The following TTC6 variants were observed in gnomAD, a reference collection of about 807,000 sequenced individuals.
TTC6 encodes tetratricopeptide repeat domain 6.
A neutral mutation model predicts 210.4 loss-of-function variants in TTC6; 172 were observed. That is an observed-to-expected ratio of 0.82 (90% CI 0.72 to 0.93). TTC6 has a LOEUF of 0.93. Ranked by LOEUF, TTC6 falls within the 40% of genes least tolerant of loss-of-function variation. TTC6 has a pLI of 0.00. For missense variants in TTC6, 2,414 were observed against 2,318.1 expected, an observed-to-expected ratio of 1.04 and a Z score of -0.85; for synonymous variants, 804 against 819.6, an observed-to-expected ratio of 0.98 and a Z score of 0.32.
intron 14 of TTC6, among the ~76,000 whole-genome samples, chr14:37,757,388 G>C (rs1644316537): frequency 6.6e-6 from 1 of 152,110 alleles, no homozygotes; most frequent in Non-Finnish European, 1.5e-5. Flanking sequence ...AGCCTCCTGA[G>C]TAGCTGGGAC....
At chr14:37,696,976 A>T (rs2095816084) in intron 4 of TTC6, 141 bp downstream of exon 6, 1 of 403,808 alleles carries the variant, frequency 2.5e-6, no homozygotes, top group Non-Finnish European at 4.3e-6. Context: ...TTCTCACAGG[A>T]AAAGTTGGTG....
chr14:37,686,363 T>A (rs1275291424), intron 3 of TTC6, among the ~76,000 whole-genome samples: 1 of 152,208 alleles, frequency 6.6e-6, no homozygotes, highest in Non-Finnish European at 1.5e-5. Context: ...AACCTGCTTA[T>A]GAAAGCCTCC....
intron 17 of TTC6, among the ~76,000 whole-genome samples, chr14:37,793,026 C>T (rs531224990): frequency 6.6e-5 from 10 of 152,188 alleles, no homozygotes; most frequent in South Asian, 2.1e-4. Flanking sequence ...TCAGAGATAA[C>T]GCTGTTAACT....
chr14:37,717,618 C>T (rs2095854810), intron 6 of TTC6, among the ~76,000 whole-genome samples: 1 of 152,056 alleles, frequency 6.6e-6, no homozygotes, highest in Non-Finnish European at 1.5e-5. Context: ...GAGAATTCTA[C>T]CACACATTTA....
chr14:37,762,838 G>T (rs2095988283), intron 14 of TTC6, among the ~76,000 whole-genome samples: 1 of 150,876 alleles, frequency 6.6e-6, no homozygotes, highest in Non-Finnish European at 1.5e-5. Flanking sequence ...AATCCCGCTT[G>T]ATCGTAGTGT....
intron 14 of TTC6, among the ~76,000 whole-genome samples, chr14:37,784,133 G>T (rs2096062044): frequency 6.6e-6 from 1 of 152,172 alleles, no homozygotes; most frequent in South Asian, 2.1e-4. Flanking sequence ...GAGTTCTGTA[G>T]ATGTCTATTA....
chr14:37,607,799 T>G (rs548592408), intron 2 of TTC6, among the ~76,000 whole-genome samples: 1 of 152,120 alleles, frequency 6.6e-6, no homozygotes, highest in Non-Finnish European at 1.5e-5. Context: ...AGCTAATTAT[T>G]AAAATTTTCT....
rs751127188 is a variant in TTC6 at position 37,796,913 on chromosome 14, TA to T, written c.3996del (p.Ala1333GlnfsTer5). The T allele has an allele frequency of 6.2e-7, 1 of 1,603,994 alleles. No homozygotes were observed. The highest frequency in any genetic ancestry group is 2.2e-5 in the East Asian group (1 of 44,682). ...GCTGAGATGACCATGTGTGCTCTAT[TA>T]GCAAAAGTTCAAATGAAGGCCAAGA... On this transcript the variant is annotated frameshift_variant, in exon 20 of 31. Transcript: ENST00000553443. LOFTEE classifies it high-confidence loss of function.
chr14:37,607,676 T>C (rs547020693), intron 2 of TTC6, among the ~76,000 whole-genome samples: 1 of 151,656 alleles, frequency 6.6e-6, no homozygotes, highest in East Asian at 1.9e-4. Context: ...TTTCCCAGGC[T>C]GGTGTGCAGT....
At chr14:37,714,867 T>A (rs1273526314) in intron 6 of TTC6, 71 bp downstream of exon 8, 2 of 1,397,474 alleles carry the variant, frequency 1.4e-6, no homozygotes, top group Non-Finnish European at 1.9e-6. Flanking sequence ...TCAGGAGACT[T>A]TTTTCACTCT....
At position 37,807,319 on chromosome 14, in the gene TTC6, G is replaced by A. The variant is rs2096120399; in HGVS notation, c.4315-1G>A. ...TGCTTTCTCTCTCTCTCTCTGAATA[G>A]GCATATTTAAGCCGAGTAGCATTCT... On this transcript the variant is annotated splice_acceptor_variant, in intron 22 of 30. Transcript: ENST00000553443. LOFTEE classifies it high-confidence loss of function. 1.3e-6 allele frequency: 2 copies of A among 1,520,044 alleles called. No individual in the cohort carries two copies. Among genetic ancestry groups the A allele is most frequent in the South Asian group, 1.2e-5 (1 of 82,040 alleles). 94.2% of individuals were successfully genotyped at this position (1,520,044 alleles called of 1,614,324 possible).
chr14:37,820,914 CCTT>C (rs1318066240), intron 26 of TTC6, among the ~76,000 whole-genome samples: 5 of 150,494 alleles, frequency 3.3e-5, no homozygotes, highest in African/African-American at 4.9e-5. Flanking sequence ...TTCTCCTCCT[CCTT>C]CTCCTCCTTC....
chr14:37,667,470 C>T (rs1358067636), intron 1 of TTC6, among the ~76,000 whole-genome samples: 1 of 150,370 alleles, frequency 6.7e-6, no homozygotes. Context: ...CTTCTTCATT[C>T]ATTGGGATGT....
chr14:37,771,648 G>A (rs1363447230), intron 14 of TTC6, among the ~76,000 whole-genome samples: 1 of 152,088 alleles, frequency 6.6e-6, no homozygotes, highest in Non-Finnish European at 1.5e-5. Context: ...TTGGTTTTCA[G>A]CTCCATCAGC....
chr14:37,714,887 T>C (rs2095850019), intron 6 of TTC6, 91 bp downstream of exon 8: 7 of 1,264,644 alleles, frequency 5.5e-6, no homozygotes, highest in African/African-American at 1.5e-5. Context: ...TTAAAAATTA[T>C]TGAGGGCTGG....
In TTC6 at chr14:37,714,641, T is replaced by C; in HGVS notation, c.1572-14T>C. 8 of 1,532,040 alleles carry C rather than the reference T, an allele frequency of 5.2e-6. No homozygotes were observed. Among genetic ancestry groups the C allele is most frequent in the South Asian group, 1.2e-5 (1 of 83,636 alleles). The allele number at this position is 1,532,040 out of a possible 1,614,324, so 94.9% of individuals were successfully genotyped here. On this transcript the variant is annotated splice_polypyrimidine_tract_variant and intron_variant, in intron 5 of 30. Coordinates refer to ENST00000553443, the Ensembl canonical transcript of TTC6. Reference sequence around the variant, plus strand: ...TACTTAAAAAGCAAACTTATTGTTCTTATCACATTGTAGAATATTGTATGG... The same window carrying C: ...TACTTAAAAAGCAAACTTATTGTTCCTATCACATTGTAGAATATTGTATGG...
chr14:37,743,832 T>A (rs1461939359), intron 10 of TTC6, among the ~76,000 whole-genome samples: 1 of 152,198 alleles, frequency 6.6e-6, no homozygotes, highest in Non-Finnish European at 1.5e-5. Context: ...TTCAGAGTAC[T>A]GATCACAATT....
At chr14:37,831,736 G>A (rs763395221) in intron 29 of TTC6, among the ~76,000 whole-genome samples, 54 of 132,248 alleles carry the variant, frequency 4.1e-4, no homozygotes, top group South Asian at 8.0e-4. Context: ...TCTGTTGGCC[G>A]TCTGTTATGT....
chr14:37,839,703 T>C (rs2096205693), intron 29 of TTC6, among the ~76,000 whole-genome samples: 2 of 152,250 alleles, frequency 1.3e-5, no homozygotes, highest in Non-Finnish European at 1.5e-5. Flanking sequence ...TTTGGTGTTT[T>C]AGTCATGAAG....
Sources: gnomAD v4.1 joint callset for allele counts (sites outside exome capture counted in the v4.1 genomes callset) on GRCh38, gnomAD v4.1.1 for gene constraint, MANE v1.5 for transcripts, NCBI Gene and HGNC (gene_info 2026-07-23, HGNC 2026-07-21) for gene names.